GRIP1: variants seen among roughly 807,000 people sequenced by gnomAD.
GRIP1 encodes the protein glutamate receptor interacting protein 1.
GRIP1 carries 45 observed loss-of-function variants against 129.9 expected under a neutral mutation model. That is an observed-to-expected ratio of 0.35 (90% confidence interval 0.27 to 0.44). GRIP1 has a LOEUF of 0.44. Among genes scored for constraint, GRIP1 ranks in the 20% least tolerant of loss-of-function variants. The pLI, the probability that GRIP1 is intolerant of heterozygous loss-of-function variation, is 1.00. For missense variants in GRIP1, 1,196 were observed against 1,396.8 expected, an observed-to-expected ratio of 0.86 and a Z score of 2.29; for synonymous variants, 530 against 520.8, an observed-to-expected ratio of 1.02 and a Z score of -0.24.
chr12:66,690,719 A>T (rs73128866), intron 1 of GRIP1, among the ~76,000 whole-genome samples: 103,587 of 148,470 alleles, frequency 0.7, 36,595 homozygotes, highest in East Asian at 0.83. Flanking sequence ...TTAAAAAAAA[A>T]TTTTTTCAAA....
intron 1 of GRIP1, among the ~76,000 whole-genome samples, chr12:66,955,591 T>A: frequency 7.1e-6 from 1 of 140,704 alleles, no homozygotes; most frequent in East Asian, 2.3e-4. Flanking sequence ...CACTGCAACC[T>A]CCACCTCCCA....
At chr12:66,438,786 A>T (rs1227372238) in intron 13 of GRIP1, among the ~76,000 whole-genome samples, 2 of 152,118 alleles carry the variant, frequency 1.3e-5, no homozygotes, top group African/African-American at 2.4e-5. Context: ...ATGAGTCACC[A>T]TGCCTGGCCT....
At position 67,023,290 on chromosome 12, in the gene GRIP1, T is replaced by C. The variant is rs982588537; in HGVS notation, c.58+45760A>G. 3.9e-5 allele frequency among the ~76,000 whole-genome samples: 6 copies of C among 152,332 alleles called. 1 individual carries two copies. Among genetic ancestry groups the C allele is most frequent in the Admixed American group, 1.3e-4 (2 of 15,288 alleles). ...TTACATTTAAGTCTATGATACACTT[T>C]GAGTTAACTTTTTAATAAGATATAA... On this transcript the variant is annotated intron_variant, in intron 1 of 1. Coordinates refer to the GRIP1 transcript ENST00000643019.
intron 14 of GRIP1, among the ~76,000 whole-genome samples, chr12:66,432,236 T>C (rs2137964503): frequency 6.6e-6 from 1 of 152,266 alleles, no homozygotes; most frequent in South Asian, 2.1e-4. Flanking sequence ...TCACCAGGAC[T>C]CATCACTTGC....
At chr12:66,473,151 C>T (rs140336861) in intron 7 of GRIP1, among the ~76,000 whole-genome samples, 148 of 152,224 alleles carry the variant, frequency 9.7e-4, no homozygotes, top group African/African-American at 3.3e-3. Context: ...GGAGGGGCGT[C>T]CCTCAATACT....
At chr12:66,465,111 A>C (rs1243564218) in intron 8 of GRIP1, among the ~76,000 whole-genome samples, 164 bp downstream of exon 8, 2 of 151,754 alleles carry the variant, frequency 1.3e-5, no homozygotes, top group Non-Finnish European at 2.9e-5. Context: ...TGACTGGCTA[A>C]TTTCTTGTAT....
intron 1 of GRIP1, among the ~76,000 whole-genome samples, chr12:67,058,728 T>G (rs1270870494): frequency 1.3e-5 from 2 of 152,244 alleles, no homozygotes; most frequent in African/African-American, 2.4e-5. Flanking sequence ...CCATTTCTAT[T>G]TCTTTCTTTG....
chr12:66,355,405 T>C (rs1230050682), intron 23 of GRIP1, among the ~76,000 whole-genome samples: 2 of 151,644 alleles, frequency 1.3e-5, no homozygotes, highest in East Asian at 3.9e-4. Flanking sequence ...GTAAGATGGG[T>C]AAGAGTCTTC....
intron 1 of GRIP1, among the ~76,000 whole-genome samples, chr12:66,935,828 G>C (rs2041474611): frequency 6.6e-6 from 1 of 152,190 alleles, no homozygotes; most frequent in Non-Finnish European, 1.5e-5. Context: ...CAGTCTATGA[G>C]TGGTTGAAGT....
Position 66,348,939 on chromosome 12 carries a change from CTTCAAAG to C in GRIP1, c.*73_*79del. On this transcript the variant is annotated 3_prime_UTR_variant, in exon 25 of 25. Transcript: ENST00000359742. ...ATGCCACGTTGATTGATTATCTGTG[CTTCAAAG>C]GTCACAGAAATCTTAAAGGATTTTT... The C allele has an allele frequency of 1.0e-6, 1 of 992,158 alleles. No individual in the cohort carries two copies. The highest frequency in any genetic ancestry group is 1.6e-6 in the Non-Finnish European group (1 of 611,712). The allele number at this position is 992,158 out of a possible 1,614,324, so 61.5% of individuals were successfully genotyped here.
In GRIP1 at chr12:66,435,775, T is replaced by C. The variant is rs116151296; in HGVS notation, c.1688-3147A>G. Among the ~76,000 whole-genome samples the C allele has an allele frequency of 6.4e-3, 972 of 152,324 alleles. 13 individuals carry two copies. The highest frequency in any genetic ancestry group is 0.022 in the African/African-American group (907 of 41,560). ...GTTAATGACACTGCAGGAGATATTA[T>C]CACTTCCTGGAAAACAGTAATGAAT... On this transcript the variant is annotated intron_variant, in intron 13 of 24. Transcript: ENST00000359742.
At chr12:67,058,233 T>C (rs979704323) in intron 1 of GRIP1, among the ~76,000 whole-genome samples, 1 of 152,230 alleles carries the variant, frequency 6.6e-6, no homozygotes, top group Non-Finnish European at 1.5e-5. Flanking sequence ...AATGTACCAA[T>C]AGGTGAAAAC....
At chr12:66,717,303 T>A (rs1168634214) in intron 1 of GRIP1, among the ~76,000 whole-genome samples, 1 of 152,124 alleles carries the variant, frequency 6.6e-6, no homozygotes, top group African/African-American at 2.4e-5. Flanking sequence ...GCTTGCTTTA[T>A]GACATCTTTG....
rs151315184 is a variant in GRIP1 at position 66,997,194 on chromosome 12, CTT to C, written c.58+71854_58+71855del. Among the ~76,000 whole-genome samples the C allele has an allele frequency of 6.3e-3, 965 of 152,150 alleles. 7 individuals carry two copies. The highest frequency in any genetic ancestry group is 0.022 in the African/African-American group (902 of 41,522). ...TAATACAAAATTACAAAATCCTCCT[CTT>C]GAGTATTTTTACAATGAGGTATGTC... is the stretch of plus-strand genomic sequence containing the variant. On this transcript the variant is annotated intron_variant, in intron 1 of 1. Coordinates refer to the GRIP1 transcript ENST00000643019.
At chr12:66,918,123 G>C (rs1027566182) in intron 1 of GRIP1, among the ~76,000 whole-genome samples, 1 of 151,802 alleles carries the variant, frequency 6.6e-6, no homozygotes, top group African/African-American at 2.4e-5. Flanking sequence ...TGCAGACTTA[G>C]AGGAGCCAAT....
chr12:66,851,426 T>C (rs74098295), intron 1 of GRIP1, among the ~76,000 whole-genome samples: 3,393 of 152,202 alleles, frequency 0.022, 129 homozygotes, highest in African/African-American at 0.076. Context: ...AGCCAAAATA[T>C]AGAGTTTTAT....
chr12:66,741,659 A>C (rs564973678), intron 1 of GRIP1, among the ~76,000 whole-genome samples: 1 of 152,326 alleles, frequency 6.6e-6, no homozygotes, highest in East Asian at 1.9e-4. Flanking sequence ...TAATCAATCT[A>C]AACGTTATTA....
chr12:66,846,095 G>A (rs1229291566), intron 1 of GRIP1, among the ~76,000 whole-genome samples: 1 of 152,168 alleles, frequency 6.6e-6, no homozygotes, highest in African/African-American at 2.4e-5. Flanking sequence ...CCTGCAAGAA[G>A]TATTCCTCAT....
intron 7 of GRIP1, among the ~76,000 whole-genome samples, chr12:66,487,084 C>T (rs1247566670): frequency 6.6e-6 from 1 of 152,172 alleles, no homozygotes; most frequent in Non-Finnish European, 1.5e-5. Context: ...AGTCACTATG[C>T]CTGGCACAAA....
Sources: gnomAD v4.1 joint callset for allele counts (sites outside exome capture counted in the v4.1 genomes callset) on GRCh38, gnomAD v4.1.1 for gene constraint, MANE v1.5 for transcripts, NCBI Gene and HGNC (gene_info 2026-07-23, HGNC 2026-07-21) for gene names.